Variants in ZNF385D observed in about 807,000 individuals in gnomAD.
ZNF385D encodes zinc finger protein 659.
A neutral mutation model predicts 35.8 loss-of-function variants in ZNF385D; 15 were observed. The ratio of observed to expected loss-of-function variants is 0.42; its 90% CI spans 0.28 to 0.64. The LOEUF is 0.64. Ranked by LOEUF, ZNF385D falls within the 30% of genes least tolerant of loss-of-function variation. ZNF385D has a pLI of 0.23. For missense variants in ZNF385D, 474 were observed against 494.6 expected (o/e 0.96, Z 0.39); for synonymous variants, 212 against 186.8 (o/e 1.13, Z -1.10).
At chr3:21,675,454 A>G (rs907838937) in intron 1 of ZNF385D, among the ~76,000 whole-genome samples, 1 of 152,084 alleles carries the variant, frequency 6.6e-6, no homozygotes, top group African/African-American at 2.4e-5. Context: ...GAGCAGTAGT[A>G]AGGTTAAAAC....
At chr3:21,944,235 C>G (rs1185192070) in intron 3 of ZNF385D, among the ~76,000 whole-genome samples, 1 of 152,130 alleles carries the variant, frequency 6.6e-6, no homozygotes, top group African/African-American at 2.4e-5. Context: ...TCTTAAGTCT[C>G]CTGTGGCAAG....
chr3:22,179,710 C>T (rs1265232772), intron 2 of ZNF385D, among the ~76,000 whole-genome samples: 3 of 151,924 alleles, frequency 2.0e-5, no homozygotes. Flanking sequence ...TCAATGAAGG[C>T]AGAAATAAAG....
chr3:22,186,533 G>A (rs143479281), intron 2 of ZNF385D, among the ~76,000 whole-genome samples: 3 of 152,104 alleles, frequency 2.0e-5, no homozygotes, highest in African/African-American at 7.2e-5. Context: ...TAAAATTATT[G>A]TATCATTTCA....
chr3:21,850,937 A>G (rs1696345486), intron 3 of ZNF385D, among the ~76,000 whole-genome samples: 1 of 152,094 alleles, frequency 6.6e-6, no homozygotes, highest in African/African-American at 2.4e-5. Flanking sequence ...AAAAACCATT[A>G]TGTATCATTC....
intron 3 of ZNF385D, among the ~76,000 whole-genome samples, chr3:21,765,744 C>T (rs59995345): frequency 6.6e-6 from 1 of 151,196 alleles, no homozygotes; most frequent in Admixed American, 6.6e-5. Flanking sequence ...GAGAGAGAGA[C>T]AGAGAGAGAG....
intron 2 of ZNF385D, among the ~76,000 whole-genome samples, chr3:22,262,098 T>C (rs1700662617): frequency 6.6e-6 from 1 of 152,030 alleles, no homozygotes; most frequent in Admixed American, 6.6e-5. Context: ...AGTGGCTTTT[T>C]TGGTGTTTTC....
intron 3 of ZNF385D, among the ~76,000 whole-genome samples, chr3:21,772,222 C>G (rs1199218513): frequency 6.6e-6 from 1 of 151,772 alleles, no homozygotes; most frequent in Non-Finnish European, 1.5e-5. Context: ...AAAAACTAGC[C>G]AAACACAACT....
intron 3 of ZNF385D, among the ~76,000 whole-genome samples, chr3:22,153,710 C>A (rs566698310): frequency 1.5e-4 from 23 of 152,144 alleles, no homozygotes; most frequent in African/African-American, 4.6e-4. Context: ...GTGATCCACC[C>A]ACCTCGGCCT....
chr3:22,127,202 T>C (rs1260998573), intron 3 of ZNF385D, among the ~76,000 whole-genome samples: 2 of 152,076 alleles, frequency 1.3e-5, no homozygotes, highest in East Asian at 1.9e-4. Flanking sequence ...GACTTACTCC[T>C]GACATTTTGT....
At chr3:22,226,865 C>A (rs901807632) in intron 2 of ZNF385D, among the ~76,000 whole-genome samples, 1 of 152,138 alleles carries the variant, frequency 6.6e-6, no homozygotes, top group Non-Finnish European at 1.5e-5. Context: ...GTAATCCTGA[C>A]AACTCCTATG....
chr3:21,749,683 G>T (rs1254624984), intron 1 of ZNF385D, among the ~76,000 whole-genome samples: 2 of 152,116 alleles, frequency 1.3e-5, no homozygotes, highest in Non-Finnish European at 1.5e-5. Flanking sequence ...GCTATTTTAA[G>T]ACTTCTCTTC....
intron 4 of ZNF385D, among the ~76,000 whole-genome samples, chr3:21,494,754 C>T (rs551267809): frequency 6.6e-6 from 1 of 152,248 alleles, no homozygotes; most frequent in South Asian, 2.1e-4. Flanking sequence ...TCTGTCTCCT[C>T]CATTTAAATG....
chr3:21,672,093 G>A (rs1288628981), intron 1 of ZNF385D, among the ~76,000 whole-genome samples: 1 of 151,992 alleles, frequency 6.6e-6, no homozygotes. Flanking sequence ...TCTTTGTCCA[G>A]GAAAATTGTA....
chr3:21,557,371 G>A (rs1414806196), intron 3 of ZNF385D, among the ~76,000 whole-genome samples: 1 of 152,178 alleles, frequency 6.6e-6, no homozygotes, highest in Non-Finnish European at 1.5e-5. Flanking sequence ...TTTTCAGCAT[G>A]AAGGGGTTTT....
rs571626932 is a variant in ZNF385D at position 21,685,402 on chromosome 3, G to T, written c.23-20374C>A. ...AAACAGAATATGGTACAGCCTAAGA[G>T]TTCATAAAAGACAGCAGAAGTGGCA... is the stretch of plus-strand genomic sequence containing the variant. On this transcript the variant is annotated intron_variant, in intron 1 of 7. Transcript: ENST00000281523. Among the ~76,000 whole-genome samples the T allele has an allele frequency of 4.1e-4, 63 of 152,300 alleles. 1 individual carries two copies. Among genetic ancestry groups the T allele is most frequent in the African/African-American group, 1.5e-3 (62 of 41,562 alleles).
At chr3:21,645,788 A>T (rs758377166) in intron 2 of ZNF385D, among the ~76,000 whole-genome samples, 2 of 152,096 alleles carry the variant, frequency 1.3e-5, no homozygotes, top group African/African-American at 2.4e-5. Context: ...ATCCAACTAG[A>T]TATTTTTTCT....
At chr3:21,907,155 G>A (rs1452638386) in intron 3 of ZNF385D, among the ~76,000 whole-genome samples, 1 of 152,012 alleles carries the variant, frequency 6.6e-6, no homozygotes, top group East Asian at 1.9e-4. Context: ...CAATCCAATG[G>A]TCTCTTAATC....
intron 1 of ZNF385D, among the ~76,000 whole-genome samples, chr3:21,721,344 G>A (rs1338521991): frequency 6.6e-6 from 1 of 151,140 alleles, no homozygotes; most frequent in African/African-American, 2.4e-5. Flanking sequence ...TGAAGAAAGG[G>A]CAACTAAAAT....
At chr3:22,336,219 T>C (rs1695153317) in intron 2 of ZNF385D, among the ~76,000 whole-genome samples, 1 of 152,142 alleles carries the variant, frequency 6.6e-6, no homozygotes, top group Non-Finnish European at 1.5e-5. Context: ...CCAGAAATTT[T>C]AAACAAAGCC....
Sources: allele counts gnomAD v4.1 joint callset (sites outside exome capture counted in the v4.1 genomes callset), GRCh38; gene constraint gnomAD v4.1.1; transcripts MANE v1.5; gene names NCBI Gene and HGNC (gene_info 2026-07-23, HGNC 2026-07-21).